The following MELK variants were observed in gnomAD, a reference collection of about 807,000 sequenced individuals.
MELK encodes the protein maternal embryonic leucine zipper kinase.
In MELK, 81 loss-of-function variants were observed where a neutral mutation model predicts 85.0. The ratio of observed to expected loss-of-function variants is 0.95; its 90% CI spans 0.80 to 1.15. MELK has a LOEUF of 1.15. MELK is among the 50% of genes most tolerant of loss of function. The pLI, the probability that MELK is intolerant of heterozygous loss-of-function variation, is 0.00. For synonymous variants in MELK, 252 were observed against 265.0 expected (o/e 0.95, Z 0.48); for missense variants, 754 against 777.5 (o/e 0.97, Z 0.36).
rs370988457 is a variant in MELK, at chr9:36,654,786, T to A, written c.1054-2455T>A. ...CCTAATGAACATTTAACTAATAATT[T>A]AATTATTTGCAAAGTCATATTATTG... is the stretch of plus-strand genomic sequence containing the variant. On this transcript the variant is annotated intron_variant, in intron 12 of 17. Transcript: ENST00000298048. Among the ~76,000 whole-genome samples, 15 of 152,344 alleles carry A rather than the reference T, an allele frequency of 9.8e-5. No individual in the cohort carries two copies. In the East Asian group the frequency reaches 1.5e-3, roughly 16 times the overall value.
At chr9:36,604,736 C>T (rs1188435334) in intron 7 of MELK, among the ~76,000 whole-genome samples, 4 of 151,910 alleles carry the variant, frequency 2.6e-5, no homozygotes, top group East Asian at 1.9e-4. Context: ...CTCCACCTCC[C>T]GAGTTCAAGC....
chr9:36,615,194 G>A (rs1826508076), intron 8 of MELK, among the ~76,000 whole-genome samples: 1 of 143,192 alleles, frequency 7.0e-6, no homozygotes, highest in African/African-American at 2.6e-5. Flanking sequence ...GGCCGGGCGG[G>A]GGGCTGACCC....
intron 13 of MELK, among the ~76,000 whole-genome samples, chr9:36,663,139 G>A (rs561326342): frequency 5.1e-4 from 77 of 150,870 alleles, no homozygotes; most frequent in Non-Finnish European, 9.4e-4. Context: ...GGAGTGCAAT[G>A]GCACGATCTC....
intron 8 of MELK, among the ~76,000 whole-genome samples, 177 bp downstream of exon 8, chr9:36,607,850 C>T (rs1159607521): frequency 6.6e-6 from 1 of 152,154 alleles, no homozygotes; most frequent in East Asian, 1.9e-4. Context: ...GTTTCTTAAT[C>T]TGGGAGTTGG....
intron 4 of MELK, among the ~76,000 whole-genome samples, chr9:36,592,176 T>TC (rs1257073942): frequency 1.4e-5 from 2 of 145,938 alleles, no homozygotes; most frequent in Admixed American, 6.8e-5. Context: ...TCTTTTCTTT[T>TC]TTTTTTTTTT....
At chr9:36,675,181 G>A (rs183427785) in intron 17 of MELK, among the ~76,000 whole-genome samples, 3 of 152,258 alleles carry the variant, frequency 2.0e-5, no homozygotes, top group African/African-American at 7.2e-5. Context: ...CAGCTACGTG[G>A]GAGGCTGAGG....
chr9:36,630,507 C>T, intron 9 of MELK, 140 bp downstream of exon 9: 1 of 646,210 alleles, frequency 1.5e-6, no homozygotes, highest in Non-Finnish European at 2.7e-6. Flanking sequence ...TCTATTAGAT[C>T]CTTTCTTAAT....
chr9:36,615,276 A>T (rs1381630716), intron 8 of MELK, among the ~76,000 whole-genome samples: 2 of 98,804 alleles, frequency 2.0e-5, no homozygotes. Flanking sequence ...CCCAGACGGC[A>T]CGGCTGGCCA....
chr9:36,641,072 T>G (rs1044932248), intron 10 of MELK, among the ~76,000 whole-genome samples: 1 of 152,138 alleles, frequency 6.6e-6, no homozygotes, highest in African/African-American at 2.4e-5. Flanking sequence ...TGGAGTGTGA[T>G]CTAAAGAAAG....
chr9:36,601,612 T>TA (rs1285678505), intron 7 of MELK, among the ~76,000 whole-genome samples: 1 of 152,256 alleles, frequency 6.6e-6, no homozygotes, highest in African/African-American at 2.4e-5. Context: ...TTAACTGTTT[T>TA]AAAATGTATA....
chr9:36,662,178 A>G (rs1831908107), intron 13 of MELK, among the ~76,000 whole-genome samples: 1 of 147,218 alleles, frequency 6.8e-6, no homozygotes, highest in Non-Finnish European at 1.5e-5. Context: ...TTTGATTTCT[A>G]TTCTTTTAAT....
At chr9:36,670,929 T>C in intron 15 of MELK, 69 bp from the exon 16 acceptor site, 1 of 1,477,844 alleles carries the variant, frequency 6.8e-7, no homozygotes, top group African/African-American at 1.4e-5. Context: ...GGGACAAAAG[T>C]TCACCCTTGT....
At position 36,669,301 on chromosome 9, in the gene MELK, T is replaced by C; in HGVS notation, c.1409-9T>C. The C allele has an allele frequency of 6.3e-7, 1 of 1,586,592 alleles. No individual in the cohort carries two copies. Among genetic ancestry groups the C allele is most frequent in the Non-Finnish European group, 8.6e-7 (1 of 1,160,974 alleles). ...TGCATATGGATTGTGTTTGTTCTGT[T>C]TCTAATAGCTAGAAACCAGTGCCTG... is the stretch of plus-strand genomic sequence containing the variant. On this transcript the variant is annotated splice_polypyrimidine_tract_variant and intron_variant, in intron 14 of 17. Coordinates refer to ENST00000298048, the MANE Select transcript of MELK (RefSeq NM_014791.4).
intron 8 of MELK, among the ~76,000 whole-genome samples, chr9:36,620,384 C>T (rs936395218): frequency 1.3e-5 from 2 of 152,148 alleles, no homozygotes; most frequent in African/African-American, 4.8e-5. Context: ...TTAGGTGTCA[C>T]CCCGCAAGGA....
intron 12 of MELK, among the ~76,000 whole-genome samples, chr9:36,652,324 G>A (rs1225122738): frequency 2.6e-5 from 4 of 151,190 alleles, no homozygotes; most frequent in Admixed American, 1.3e-4. Context: ...TGGGATTATA[G>A]GCATGAGCCA....
chr9:36,611,411 G>T (rs1453448308), intron 8 of MELK, among the ~76,000 whole-genome samples: 1 of 152,154 alleles, frequency 6.6e-6, no homozygotes, highest in Non-Finnish European at 1.5e-5. Flanking sequence ...AATGTCTCCT[G>T]CCTTGGCTAT....
At chr9:36,630,205 C>A in intron 8 of MELK, 94 bp from the exon 9 acceptor site, 2 of 936,366 alleles carry the variant, frequency 2.1e-6, no homozygotes, top group Non-Finnish European at 3.4e-6. Flanking sequence ...GTGAAGTCTT[C>A]AAGCTTAAAA....
chr9:36,591,856 A>G (rs956310387), intron 4 of MELK, among the ~76,000 whole-genome samples: 3 of 151,838 alleles, frequency 2.0e-5, no homozygotes, highest in African/African-American at 7.3e-5. Context: ...AGCCTGGGAG[A>G]TATAGGCTAC....
intron 14 of MELK, among the ~76,000 whole-genome samples, chr9:36,667,189 T>C (rs1832460396): frequency 6.6e-6 from 1 of 151,896 alleles, no homozygotes; most frequent in Non-Finnish European, 1.5e-5. Context: ...GGAGTCTTGC[T>C]CTGTTGCCCA....
Sources: allele counts gnomAD v4.1 joint callset (sites outside exome capture counted in the v4.1 genomes callset), GRCh38; gene constraint gnomAD v4.1.1; transcripts MANE v1.5; gene names NCBI Gene and HGNC (gene_info 2026-07-23, HGNC 2026-07-21).